The following DOCK3 variants were observed in gnomAD, a reference collection of about 807,000 sequenced individuals.
DOCK3 encodes the protein dedicator of cytokinesis protein 3.
DOCK3 carries 60 observed loss-of-function variants against 265.6 expected under a neutral mutation model. The observed-to-expected ratio is 0.23, with a 90% CI of 0.18 to 0.28. The LOEUF (loss-of-function observed/expected upper bound fraction) is 0.28. DOCK3 is among the 10% of genes least tolerant of loss of function. The pLI, the probability that DOCK3 is intolerant of heterozygous loss-of-function variation, is 1.00. For missense variants in DOCK3, 1,981 were observed against 2,594.3 expected (o/e 0.76, Z 5.14); for synonymous variants, 881 against 938.0 (o/e 0.94, Z 1.11).
intron 4 of DOCK3, among the ~76,000 whole-genome samples, chr3:50,890,357 A>G (rs1167820667): frequency 1.3e-5 from 2 of 152,106 alleles, no homozygotes; most frequent in Non-Finnish European, 2.9e-5. Flanking sequence ...TATTTTGAGC[A>G]TAGTCATTCA....
intron 9 of DOCK3, among the ~76,000 whole-genome samples, chr3:51,126,307 T>G (rs1413124811): frequency 2.0e-5 from 3 of 152,196 alleles, no homozygotes; most frequent in African/African-American, 7.2e-5. Context: ...GCAAAAGAGT[T>G]TTTCCTCAGT....
intron 1 of DOCK3, among the ~76,000 whole-genome samples, chr3:50,728,340 A>G (rs950431633): frequency 6.6e-6 from 1 of 152,204 alleles, no homozygotes; most frequent in Non-Finnish European, 1.5e-5. Flanking sequence ...TTATAGTTTT[A>G]AATACTTATG....
intron 5 of DOCK3, among the ~76,000 whole-genome samples, chr3:51,052,348 A>G (rs1436898152): frequency 6.6e-6 from 1 of 152,138 alleles, no homozygotes; most frequent in Non-Finnish European, 1.5e-5. Flanking sequence ...TCTCTAAAAT[A>G]CAAAAAATTA....
chr3:51,313,560 C>CCTGTGAT (rs1202147463), intron 31 of DOCK3, among the ~76,000 whole-genome samples: 11 of 152,264 alleles, frequency 7.2e-5, no homozygotes, highest in Non-Finnish European at 1.3e-4. Context: ...AGTGGGCCAT[C>CCTGTGAT]CTGTGATATT....
chr3:51,008,238 G>T (rs1008386907), intron 5 of DOCK3, among the ~76,000 whole-genome samples: 1 of 152,164 alleles, frequency 6.6e-6, no homozygotes, highest in Non-Finnish European at 1.5e-5. Context: ...TCACGATATG[G>T]ATTCTTCCTA....
At chr3:51,135,971 A>G (rs1338364100) in intron 9 of DOCK3, among the ~76,000 whole-genome samples, 1 of 152,058 alleles carries the variant, frequency 6.6e-6, no homozygotes, top group Admixed American at 6.5e-5. Flanking sequence ...TGGTCTCCCA[A>G]AGTGCTAGGA....
At chr3:51,013,326 G>A (rs988682252) in intron 5 of DOCK3, among the ~76,000 whole-genome samples, 9 of 152,100 alleles carry the variant, frequency 5.9e-5, no homozygotes, top group Admixed American at 1.3e-4. Flanking sequence ...CCTACAGATG[G>A]GGTTTTGGTG....
chr3:50,915,297 A>G (rs1381909317), intron 4 of DOCK3, among the ~76,000 whole-genome samples: 1 of 152,032 alleles, frequency 6.6e-6, no homozygotes, highest in Non-Finnish European at 1.5e-5. Context: ...GGGGCTTTGC[A>G]GTATCCCAGA....
chr3:50,845,770 A>C lies in DOCK3; in HGVS notation c.162+4055A>C, dbSNP rs113541033. Among the ~76,000 whole-genome samples, 423 of 152,340 alleles carry C rather than the reference A, an allele frequency of 2.8e-3. 2 individuals are homozygous for C. Among genetic ancestry groups the C allele is most frequent in the African/African-American group, 9.7e-3 (405 of 41,582 alleles). Reference sequence around the variant, plus strand: ...AGAGAATCGCTTGAACTTGGGAGGCAGAGGTTCAAGCGATTGAACCTCCTT... The same window carrying C: ...AGAGAATCGCTTGAACTTGGGAGGCCGAGGTTCAAGCGATTGAACCTCCTT... On this transcript the variant is annotated intron_variant, in intron 3 of 52. Transcript: ENST00000266037.
intron 3 of DOCK3, among the ~76,000 whole-genome samples, chr3:50,874,638 A>G (rs1229864630): frequency 5.9e-5 from 9 of 151,546 alleles, no homozygotes; most frequent in African/African-American, 2.2e-4. Context: ...AGTGTTTTGT[A>G]GTTTTTCTTG....
At chr3:50,728,609 G>A (rs1038474590) in intron 1 of DOCK3, among the ~76,000 whole-genome samples, 3 of 152,124 alleles carry the variant, frequency 2.0e-5, no homozygotes, top group African/African-American at 7.2e-5. Flanking sequence ...GAAAGTAGGG[G>A]AGACATCAGG....
chr3:51,323,686 T>G (rs2083894584), intron 32 of DOCK3, among the ~76,000 whole-genome samples: 1 of 151,968 alleles, frequency 6.6e-6, no homozygotes, highest in African/African-American at 2.4e-5. Context: ...TTTAAAGCAG[T>G]GTGTAGAGGG....
At chr3:50,710,957 G>A (rs2036724838) in intron 1 of DOCK3, among the ~76,000 whole-genome samples, 1 of 152,174 alleles carries the variant, frequency 6.6e-6, no homozygotes, top group African/African-American at 2.4e-5. Flanking sequence ...TAAGCCATGA[G>A]GATGTAAAGA....
chr3:50,886,064 A>C (rs1361322112), intron 3 of DOCK3, among the ~76,000 whole-genome samples: 1 of 151,940 alleles, frequency 6.6e-6, no homozygotes, highest in African/African-American at 2.4e-5. Context: ...ACTTTAAAAT[A>C]GCCTGATACA....
chr3:50,825,855 C>G (rs1377782644), intron 2 of DOCK3, among the ~76,000 whole-genome samples: 1 of 152,106 alleles, frequency 6.6e-6, no homozygotes, highest in African/African-American at 2.4e-5. Context: ...GTTGGACTTG[C>G]AAACTATATT....
At chr3:50,999,056 A>G (rs912310381) in intron 5 of DOCK3, among the ~76,000 whole-genome samples, 2 of 152,238 alleles carry the variant, frequency 1.3e-5, no homozygotes, top group African/African-American at 4.8e-5. Context: ...AAGAGTTAAA[A>G]TTATAGCTTA....
intron 4 of DOCK3, among the ~76,000 whole-genome samples, chr3:50,911,504 A>C (rs1386471430): frequency 2.0e-5 from 3 of 151,940 alleles, no homozygotes; most frequent in Non-Finnish European, 4.4e-5. Context: ...ATTCTGTTTC[A>C]TTGCTCTATG....
intron 12 of DOCK3, among the ~76,000 whole-genome samples, chr3:51,168,779 A>ACACT (rs1445365623): frequency 6.6e-6 from 1 of 152,240 alleles, no homozygotes; most frequent in African/African-American, 2.4e-5. Flanking sequence ...ATGGAAAAAG[A>ACACT]CACTATCAAC....
In DOCK3 at chr3:51,354,977, G is replaced by C; in HGVS notation, c.4203G>C (p.Gln1401His). The C allele has an allele frequency of 6.2e-7, 1 of 1,613,920 alleles. No individual in the cohort carries two copies. Among genetic ancestry groups the C allele is most frequent in the Non-Finnish European group, 8.5e-7 (1 of 1,179,860 alleles). ...LSEFPQAVAMQHPNHPDDAIL... is the reference protein window; with the variant it reads ...LSEFPQAVAMHHPNHPDDAIL... ...AGTTTCCGCAGGCTGTCGCCATGCA[G>C]CACCCCAACCATCCTGATGACGCCA... Residue 1401 changes from glutamine to histidine, a missense_variant, in exon 41 of 53, where the codon CAG (glutamine) becomes CAC (histidine). Physicochemically the swap from Gln to His is conservative, Grantham distance 24 (BLOSUM62 0). Around this residue, in one of 4 missense-constraint regions of DOCK3, gnomAD observed 1,357 missense variants for 1,866.8 expected, o/e 0.73. Coordinates refer to ENST00000266037, the MANE Select transcript of DOCK3 (RefSeq NM_004947.5).
Sources: gnomAD v4.1 joint callset for allele counts (sites outside exome capture counted in the v4.1 genomes callset) on GRCh38, gnomAD v4.1.1 for gene constraint, gnomAD v4.1.1 regional missense constraint, MANE v1.5 for transcripts, NCBI Gene and HGNC (gene_info 2026-07-23, HGNC 2026-07-21) for gene names.